The following KIF13A variants were observed in gnomAD, a reference collection of about 807,000 sequenced individuals.
The protein encoded by KIF13A is kinesin-like protein KIF13A.
Under a neutral mutation model 212.2 loss-of-function variants are expected in KIF13A, and 79 were observed. That is an observed-to-expected ratio of 0.37 (90% CI 0.31 to 0.45). The LOEUF (loss-of-function observed/expected upper bound fraction) is 0.45. Among genes scored for constraint, KIF13A ranks in the 20% least tolerant of loss-of-function variants. The probability of loss-of-function intolerance (pLI) is 1.00; values close to 1 mark genes in which losing one functional copy is unlikely to be tolerated. For missense variants in KIF13A, 1,901 were observed against 2,209.0 expected (o/e 0.86, Z 2.79); for synonymous variants, 789 against 808.6 (o/e 0.98, Z 0.41).
intron 2 of KIF13A, chr6:17,950,827 T>C: frequency 3.1e-6 from 3 of 980,182 alleles, no homozygotes; most frequent in Non-Finnish European, 3.6e-6. Flanking sequence ...TTTGCATTTC[T>C]TAAAATAATT....
In KIF13A at chr6:17,895,589, A is replaced by T. The variant is rs749793396; in HGVS notation, c.159+2579T>A. On this transcript the variant is annotated intron_variant, in intron 3 of 38. Coordinates refer to ENST00000259711, the MANE Select transcript of KIF13A (RefSeq NM_022113.6). The surrounding 1 kb of genome is among the most constrained non-coding windows in gnomAD (Gnocchi z 4.4). ...TCAATCCACTTTACCAACCCAAAGTATAAGGAGATTAGCAAGGACTCCACC... is the reference window on the plus strand; with the variant it reads ...TCAATCCACTTTACCAACCCAAAGTTTAAGGAGATTAGCAAGGACTCCACC... Among the ~76,000 whole-genome samples, 4 of 152,234 alleles carry T rather than the reference A, an allele frequency of 2.6e-5. No homozygotes were observed. Among genetic ancestry groups the T allele is most frequent in the Non-Finnish European group, 5.9e-5 (4 of 68,032 alleles).
intron 3 of KIF13A, among the ~76,000 whole-genome samples, chr6:17,890,574 C>A (rs889525475): frequency 8.6e-5 from 13 of 151,826 alleles, no homozygotes; most frequent in Non-Finnish European, 1.6e-4. Flanking sequence ...CTGCCAAAAT[C>A]CAAAGTTAAT....
chr6:17,781,018 A>G (rs910979157), intron 30 of KIF13A, 112 bp from the exon 31 acceptor site: 2 of 1,351,700 alleles, frequency 1.5e-6, no homozygotes, highest in Non-Finnish European at 2.1e-6. Context: ...AATCAAATAG[A>G]TTTCTTTCCT....
chr6:17,898,096 G>C lies in KIF13A; in HGVS notation c.159+72C>G. Reference sequence around the variant, plus strand: ...CTCAATGAGACAGATGTTCTACATGGGTTACAGTGATAAATCCTGGATTTT... The same window carrying C: ...CTCAATGAGACAGATGTTCTACATGCGTTACAGTGATAAATCCTGGATTTT... On this transcript the variant is annotated intron_variant, in intron 3 of 38. Coordinates refer to ENST00000259711, the MANE Select transcript of KIF13A (RefSeq NM_022113.6). This position sits in a 1 kb window ranked among gnomAD's most constrained non-coding sequence, Gnocchi z 5.2. 2 of 1,400,466 alleles carry C rather than the reference G, an allele frequency of 1.4e-6. No individual in the cohort carries two copies. Among genetic ancestry groups the C allele is most frequent in the South Asian group, 1.2e-5 (1 of 83,338 alleles). The allele number at this position is 1,400,466 out of a possible 1,614,324, so 86.8% of individuals were successfully genotyped here. A position where few individuals can be genotyped will look rare whatever the true frequency, so the allele number is the denominator to read the frequency against.
At position 17,898,296 on chromosome 6, in the gene KIF13A, A is replaced by G; in HGVS notation, c.147-116T>C. ...AAAATAAGGTAAATTCAGCACCTTG[A>G]TAACATGATCTGAAAGATATTCTTC... On this transcript the variant is annotated intron_variant, in intron 2 of 38. Transcript: ENST00000259711. This position sits in a 1 kb window ranked among gnomAD's most constrained non-coding sequence, Gnocchi z 5.2. 2 of 923,158 alleles carry G rather than the reference A, an allele frequency of 2.2e-6. No homozygotes were observed. The highest frequency in any genetic ancestry group is 3.4e-6 in the Non-Finnish European group (2 of 595,852). The allele number at this position is 923,158 out of a possible 1,614,324, so 57.2% of individuals were successfully genotyped here. A position where few individuals can be genotyped will look rare whatever the true frequency, so the allele number is the denominator to read the frequency against.
Position 17,951,437 on chromosome 6 carries a change from T to TAAAA in KIF13A, c.146+35613_146+35616dup. The TAAAA allele has an allele frequency of 2.3e-5, 11 of 477,434 alleles. No homozygotes were observed. The highest frequency in any genetic ancestry group is 7.0e-5 in the East Asian group (2 of 28,744). 29.6% of individuals were successfully genotyped at this position (477,434 alleles called of 1,614,324 possible). A position where few individuals can be genotyped will look rare whatever the true frequency, so the allele number is the denominator to read the frequency against. On this transcript the variant is annotated intron_variant, in intron 2 of 38. Coordinates refer to ENST00000259711, the MANE Select transcript of KIF13A (RefSeq NM_022113.6). This position sits in a 1 kb window ranked among gnomAD's most constrained non-coding sequence, Gnocchi z 4.9. ...TGAGCCACTGTGACCAGCCTCAATT[T>TAAAA]AAAAAAAAAAAAAAAACAGCTTTAA...
chr6:17,949,471 T>C (rs533838368), intron 2 of KIF13A, among the ~76,000 whole-genome samples: 1 of 151,854 alleles, frequency 6.6e-6, no homozygotes, highest in South Asian at 2.1e-4. Context: ...CAACTGTGAC[T>C]GTCTGGAGAC....
In KIF13A at chr6:17,794,629, T is replaced by G. The variant is rs1411175613; in HGVS notation, c.3018A>C (p.Ala1006=). 1.2e-6 allele frequency: 2 copies of G among 1,613,752 alleles called. No homozygotes were observed. The highest frequency in any genetic ancestry group is 8.5e-7 in the Non-Finnish European group (1 of 1,179,774). The change falls in exon 24 of 39, where the codon GCA becomes GCC. Residue 1006 remains alanine, a synonymous_variant. Transcript: ENST00000259711. This position sits in a 1 kb window ranked among gnomAD's most constrained non-coding sequence, Gnocchi z 4.1. ...CATCTTTTGCCTGATGAAGTTCCAC[T>G]GCAGCATACTCTCCTAACTCATTCA... The part of the protein sequence containing the change: ...LELNELGEYA[A]VELHQAKDVN...
chr6:17,861,108 A>T (rs1768728203), intron 4 of KIF13A, among the ~76,000 whole-genome samples: 1 of 152,208 alleles, frequency 6.6e-6, no homozygotes, highest in African/African-American at 2.4e-5. Flanking sequence ...ATTCAAATTT[A>T]TCATATTTAG....
In KIF13A at chr6:17,873,442, A is replaced by G; in HGVS notation, c.160-5T>C. ...GCAATAATCAAAGGCAAATACCTGA[A>G]TGAAAGAACAAAATATTAAACTTAA... On this transcript the variant is annotated splice_polypyrimidine_tract_variant and splice_region_variant and intron_variant, in intron 3 of 38. Transcript: ENST00000259711. 6.4e-7 allele frequency: 1 copy of G among 1,559,688 alleles called. No homozygotes were observed. The highest frequency in any genetic ancestry group is 8.7e-7 in the Non-Finnish European group (1 of 1,145,596).
In KIF13A at chr6:17,905,330, T is replaced by C. The variant is rs574452940; in HGVS notation, c.147-7150A>G. ...ATATTAGGAGTGCTTTGAGGGAATA[T>C]TTAGAGGAATTAGGCATGGTCTCTG... On this transcript the variant is annotated intron_variant, in intron 2 of 38. Coordinates refer to ENST00000259711, the MANE Select transcript of KIF13A (RefSeq NM_022113.6). Among the ~76,000 whole-genome samples the C allele has an allele frequency of 3.3e-5, 5 of 152,214 alleles. No individual in the cohort carries two copies. The East Asian group carries it at 9.7e-4, about 29-fold the overall frequency.
intron 2 of KIF13A, among the ~76,000 whole-genome samples, chr6:17,941,688 G>C (rs1016613766): frequency 4.6e-5 from 7 of 151,642 alleles, no homozygotes; most frequent in Non-Finnish European, 2.9e-5. Flanking sequence ...CAGCCTCCAG[G>C]GTAGTGAGAA....
intron 2 of KIF13A, among the ~76,000 whole-genome samples, chr6:17,986,125 A>G (rs1035982277): frequency 7.9e-5 from 12 of 152,240 alleles, no homozygotes; most frequent in African/African-American, 2.4e-4. Context: ...ATTGTATTCC[A>G]TCGATCAACA....
chr6:17,954,708 T>C (rs1778201663), intron 2 of KIF13A, among the ~76,000 whole-genome samples: 1 of 152,196 alleles, frequency 6.6e-6, no homozygotes, highest in African/African-American at 2.4e-5. Context: ...GATCTCACTC[T>C]TCTTGACCAG....
At chr6:17,862,669 C>T (rs1047099592) in intron 4 of KIF13A, among the ~76,000 whole-genome samples, 8 of 152,018 alleles carry the variant, frequency 5.3e-5, no homozygotes, top group Non-Finnish European at 8.8e-5. Flanking sequence ...CAGGTATGAG[C>T]CGGGCATGGT....
At position 17,934,227 on chromosome 6, in the gene KIF13A, T is replaced by C. The variant is rs1776259910; in HGVS notation, c.147-36047A>G. On this transcript the variant is annotated intron_variant, in intron 2 of 38. Transcript: ENST00000259711. The surrounding 1 kb of genome is among the most constrained non-coding windows in gnomAD (Gnocchi z 5.4). ...CTACTGTCTAATGGCCACAGGACAT[T>C]GGCCTTCTTCAAATTCTTAAGTGAC... 6.6e-6 allele frequency among the ~76,000 whole-genome samples: 1 copy of C among 152,164 alleles called. No individual in the cohort carries two copies. The highest frequency in any genetic ancestry group is 1.5e-5 in the Non-Finnish European group (1 of 68,020).
Position 17,769,348 on chromosome 6 carries a change from G to C in KIF13A, c.4581+1766C>G, listed in dbSNP as rs1759295282. Among the ~76,000 whole-genome samples the C allele has an allele frequency of 3.3e-5, 5 of 152,244 alleles. No homozygotes were observed. The South Asian group carries it at 1.0e-3, about 32-fold the overall frequency. On this transcript the variant is annotated intron_variant, in intron 38 of 38. Transcript: ENST00000259711. The surrounding 1 kb of genome is among the most constrained non-coding windows in gnomAD (Gnocchi z 5.8). ...GTGCTCAGCAAGCCAGTTTCCTATG[G>C]AGAGTAGAGACAGCTTTTTCAAGTA...
chr6:17,931,838 A>T (rs1776011046), intron 2 of KIF13A, among the ~76,000 whole-genome samples: 1 of 151,108 alleles, frequency 6.6e-6, no homozygotes, highest in Non-Finnish European at 1.5e-5. Context: ...AAATGCAGAA[A>T]GTATAAAAGA....
intron 3 of KIF13A, among the ~76,000 whole-genome samples, chr6:17,877,616 C>T (rs1269156647): frequency 2.0e-5 from 3 of 152,036 alleles, no homozygotes; most frequent in African/African-American, 7.3e-5. Flanking sequence ...CCTAAGTCAA[C>T]TCTCCTTACT....
Sources: gnomAD v4.1 joint callset for allele counts (sites outside exome capture counted in the v4.1 genomes callset) on GRCh38, gnomAD v4.1.1 for gene constraint, Gnocchi (gnomAD v3.1) non-coding constraint, MANE v1.5 for transcripts, NCBI Gene and HGNC (gene_info 2026-07-23, HGNC 2026-07-21) for gene names.